The following KHDRBS2 variants were observed in gnomAD, a reference collection of about 807,000 sequenced individuals.
KHDRBS2 encodes the protein KH RNA binding domain containing, signal transduction associated 2.
KHDRBS2 carries 26 observed loss-of-function variants against 44.3 expected under a neutral mutation model. The observed-to-expected ratio is 0.59, with a 90% CI of 0.43 to 0.81. The LOEUF (loss-of-function observed/expected upper bound fraction) is 0.81. KHDRBS2 is among the 40% of genes least tolerant of loss of function. The pLI is 0.00. For missense variants in KHDRBS2, 476 were observed against 433.1 expected (o/e 1.10, Z -0.88); for synonymous variants, 194 against 151.1 (o/e 1.28, Z -2.08).
intron 4 of KHDRBS2, among the ~76,000 whole-genome samples, chr6:61,932,650 A>C (rs1810282505): frequency 6.6e-6 from 1 of 152,144 alleles, no homozygotes; most frequent in African/African-American, 2.4e-5. Flanking sequence ...ATACAAAAAA[A>C]TTAGCCGGGC....
At chr6:61,562,617 T>C in the KHDRBS2 span, among the ~76,000 whole-genome samples, 1 of 152,146 alleles carries the variant, frequency 6.6e-6, no homozygotes, top group Non-Finnish European at 1.5e-5. Flanking sequence ...GAAATGTCTT[T>C]CTTAGGGACC....
At chr6:62,023,690 G>T (rs1309864598) in intron 3 of KHDRBS2, among the ~76,000 whole-genome samples, 1 of 151,234 alleles carries the variant, frequency 6.6e-6, no homozygotes, top group East Asian at 1.9e-4. Flanking sequence ...CAAATTCATG[G>T]TTTTCATAAC....
intron 6 of KHDRBS2, among the ~76,000 whole-genome samples, chr6:61,840,808 T>A (rs1299025519): frequency 1.3e-5 from 2 of 152,154 alleles, no homozygotes; most frequent in African/African-American, 4.8e-5. Context: ...TGTTTTTACA[T>A]GGGAGTAGAA....
intron 1 of KHDRBS2, among the ~76,000 whole-genome samples, chr6:62,180,946 A>T (rs955424352): frequency 6.6e-5 from 10 of 151,736 alleles, no homozygotes; most frequent in African/African-American, 2.2e-4. Flanking sequence ...GGAGAAAAAA[A>T]GTCTCTTCAA....
At chr6:62,084,482 C>T (rs1312539939) in intron 2 of KHDRBS2, among the ~76,000 whole-genome samples, 1 of 151,962 alleles carries the variant, frequency 6.6e-6, no homozygotes, top group African/African-American at 2.4e-5. Context: ...CTGTGTGTAC[C>T]CTGGGGAGAG....
At chr6:61,805,946 T>G (rs1787088199) in intron 6 of KHDRBS2, among the ~76,000 whole-genome samples, 1 of 152,186 alleles carries the variant, frequency 6.6e-6, no homozygotes, top group Non-Finnish European at 1.5e-5. Flanking sequence ...GCAGTATGGA[T>G]AAATAATTTG....
intron 3 of KHDRBS2, among the ~76,000 whole-genome samples, chr6:61,997,535 C>G (rs1379676775): frequency 6.6e-6 from 1 of 152,212 alleles, no homozygotes; most frequent in Non-Finnish European, 1.5e-5. Context: ...CCTTCTCTTG[C>G]AAATTCGGTA....
At chr6:61,861,577 C>A (rs1796973091) in intron 6 of KHDRBS2, among the ~76,000 whole-genome samples, 1 of 150,854 alleles carries the variant, frequency 6.6e-6, no homozygotes, top group African/African-American at 2.4e-5. Flanking sequence ...GTCTATGTGT[C>A]TTTTTTTTGT....
intron 6 of KHDRBS2, among the ~76,000 whole-genome samples, chr6:61,742,846 A>G (rs943155548): frequency 3.3e-5 from 5 of 152,134 alleles, no homozygotes; most frequent in African/African-American, 1.2e-4. Flanking sequence ...CTCTAATAAA[A>G]GGAAGCTATT....
chr6:62,271,859 A>G (rs1840145000), intron 1 of KHDRBS2, among the ~76,000 whole-genome samples: 1 of 152,180 alleles, frequency 6.6e-6, no homozygotes, highest in African/African-American at 2.4e-5. Flanking sequence ...AAAGTAAAAA[A>G]GTTATAGTTA....
chr6:61,615,302 C>T, the KHDRBS2 span, among the ~76,000 whole-genome samples: 1 of 145,404 alleles, frequency 6.9e-6, no homozygotes, highest in Admixed American at 6.8e-5. Context: ...CTAGTTACTA[C>T]AGATAATGCT....
At chr6:61,665,799 A>C in the KHDRBS2 span, among the ~76,000 whole-genome samples, 1 of 151,092 alleles carries the variant, frequency 6.6e-6, no homozygotes, top group East Asian at 2.0e-4. Context: ...TACTCTAATA[A>C]TTTAATTTTG....
At chr6:61,908,770 T>A (rs1434469865) in intron 4 of KHDRBS2, among the ~76,000 whole-genome samples, 1 of 152,098 alleles carries the variant, frequency 6.6e-6, no homozygotes, top group African/African-American at 2.4e-5. Context: ...GCTCCACTTG[T>A]CAAAAAAATG....
At chr6:62,193,373 C>G (rs1824999455) in intron 1 of KHDRBS2, among the ~76,000 whole-genome samples, 1 of 151,974 alleles carries the variant, frequency 6.6e-6, no homozygotes, top group African/African-American at 2.4e-5. Flanking sequence ...TGAAGTCAGA[C>G]TAATCAAATA....
chr6:62,023,179 T>C (rs1313404449), intron 3 of KHDRBS2, among the ~76,000 whole-genome samples: 2 of 151,758 alleles, frequency 1.3e-5, no homozygotes, highest in African/African-American at 2.4e-5. Flanking sequence ...AATCCATATG[T>C]AAGAATGTTC....
In KHDRBS2 at chr6:61,897,546, G is replaced by GA. The variant is rs1938277208; in HGVS notation, c.612-2714dup. Among the ~76,000 whole-genome samples the GA allele has an allele frequency of 2.0e-5, 3 of 152,028 alleles. No individual in the cohort carries two copies. The South Asian group carries it at 6.2e-4, about 32-fold the overall frequency. ...ACCAAAAATTTATCTTTCTCTTGGGGAACTCTTCTTCTCCAACGTTTAATT... is the reference window on the plus strand; with the variant it reads ...ACCAAAAATTTATCTTTCTCTTGGGGAAACTCTTCTTCTCCAACGTTTAATT... On this transcript the variant is annotated intron_variant, in intron 5 of 8. Coordinates refer to ENST00000281156, the MANE Select transcript of KHDRBS2 (RefSeq NM_152688.4).
At chr6:62,089,588 C>T (rs367700938) in intron 2 of KHDRBS2, among the ~76,000 whole-genome samples, 4 of 152,162 alleles carry the variant, frequency 2.6e-5, no homozygotes, top group Non-Finnish European at 4.4e-5. Flanking sequence ...TGAGATGAAC[C>T]GTGTACCTCA....
intron 4 of KHDRBS2, among the ~76,000 whole-genome samples, chr6:61,907,474 C>A (rs1805246704): frequency 1.3e-5 from 2 of 152,158 alleles, no homozygotes; most frequent in African/African-American, 2.4e-5. Context: ...CTCAAGAAAT[C>A]TTTCCCCAAA....
chr6:62,187,430 C>T (rs999280648), intron 1 of KHDRBS2, among the ~76,000 whole-genome samples: 4 of 152,086 alleles, frequency 2.6e-5, no homozygotes, highest in Non-Finnish European at 4.4e-5. Flanking sequence ...GAAGCAAAAT[C>T]TGTGCCTTCT....
Sources: allele counts gnomAD v4.1 joint callset (sites outside exome capture counted in the v4.1 genomes callset), GRCh38; gene constraint gnomAD v4.1.1; transcripts MANE v1.5; gene names NCBI Gene and HGNC (gene_info 2026-07-23, HGNC 2026-07-21).